SUMF1: variants seen among roughly 807,000 people sequenced by gnomAD.
The protein encoded by SUMF1 is formylglycine-generating enzyme.
SUMF1 carries 48 observed loss-of-function variants against 47.6 expected under a neutral mutation model. The ratio of observed to expected loss-of-function variants is 1.01; its 90% CI spans 0.80 to 1.28. SUMF1 has a LOEUF of 1.28. Among genes scored for constraint, SUMF1 ranks in the 50% most tolerant of loss-of-function variants. The pLI, the probability that SUMF1 is intolerant of heterozygous loss-of-function variation, is 0.00. For missense variants in SUMF1, 571 were observed against 485.4 expected (o/e 1.18, Z -1.66); for synonymous variants, 230 against 192.1 (o/e 1.20, Z -1.63).
intron 8 of SUMF1, among the ~76,000 whole-genome samples, chr3:4,178,134 T>A (rs1695009090): frequency 6.6e-6 from 1 of 152,120 alleles, no homozygotes; most frequent in African/African-American, 2.4e-5. Flanking sequence ...TAGTACCATT[T>A]CTTCTGGAAC....
chr3:4,316,022 G>C (rs946560389), intron 8 of SUMF1, among the ~76,000 whole-genome samples: 10 of 144,232 alleles, frequency 6.9e-5, no homozygotes, highest in African/African-American at 2.4e-4. Context: ...ACTCCAGCTT[G>C]GGTGACAGAG....
At chr3:4,280,630 A>C (rs868613863) in intron 8 of SUMF1, among the ~76,000 whole-genome samples, 1 of 152,190 alleles carries the variant, frequency 6.6e-6, no homozygotes, top group East Asian at 1.9e-4. Flanking sequence ...CAAACTGAGA[A>C]GTTTAAACAA....
downstream of SUMF1, among the ~76,000 whole-genome samples, chr3:4,359,421 G>C (rs551427192): frequency 3.6e-4 from 54 of 152,104 alleles, no homozygotes; most frequent in Non-Finnish European, 6.0e-4. Flanking sequence ...GGGACTACAG[G>C]TACACACTGC....
intron 8 of SUMF1, among the ~76,000 whole-genome samples, chr3:4,159,610 G>A (rs1028812904): frequency 3.3e-5 from 5 of 151,662 alleles, no homozygotes; most frequent in African/African-American, 1.2e-4. Context: ...ACTATTCTGT[G>A]GTTCTGTGTG....
intron 7 of SUMF1, among the ~76,000 whole-genome samples, chr3:4,384,020 C>T (rs557642914): frequency 3.9e-5 from 6 of 152,258 alleles, no homozygotes; most frequent in South Asian, 4.1e-4. Flanking sequence ...TTGCTTTAAA[C>T]AATCTTACGT....
chr3:4,174,741 C>T (rs1210806376), intron 8 of SUMF1, among the ~76,000 whole-genome samples: 1 of 152,136 alleles, frequency 6.6e-6, no homozygotes, highest in East Asian at 1.9e-4. Context: ...CATCACCTCA[C>T]CCAGGAAGCA....
intron 8 of SUMF1, among the ~76,000 whole-genome samples, chr3:4,221,965 C>T (rs1322144002): frequency 6.6e-6 from 1 of 151,302 alleles, no homozygotes; most frequent in East Asian, 1.9e-4. Flanking sequence ...GCAAGCACTA[C>T]ACTTTTATAA....
At chr3:4,176,668 G>T (rs1275032899) in intron 8 of SUMF1, among the ~76,000 whole-genome samples, 2 of 152,140 alleles carry the variant, frequency 1.3e-5, no homozygotes, top group Non-Finnish European at 2.9e-5. Context: ...ATAATGAGAT[G>T]ATCAAATTCA....
intron 8 of SUMF1, among the ~76,000 whole-genome samples, chr3:4,074,113 A>C (rs536021510): frequency 6.6e-6 from 1 of 152,326 alleles, no homozygotes; most frequent in South Asian, 2.1e-4. Flanking sequence ...AGCAAATGTA[A>C]AAGAACAGAA....
chr3:4,039,208 AATTTTTTTTT>A (rs1275920000), intron 9 of SUMF1, among the ~76,000 whole-genome samples: 1 of 46,186 alleles, frequency 2.2e-5, no homozygotes, highest in Admixed American at 3.3e-4. Flanking sequence ...CATCTATGCA[AATTTTTTTTT>A]TTTTTTTTTT....
At chr3:4,418,686 G>C (rs1228740464) in intron 4 of SUMF1, among the ~76,000 whole-genome samples, 1 of 152,202 alleles carries the variant, frequency 6.6e-6, no homozygotes, top group African/African-American at 2.4e-5. Context: ...CTACAGGTGT[G>C]GGGCCCTAAC....
At chr3:4,051,378 C>G (rs1456177697) in intron 9 of SUMF1, among the ~76,000 whole-genome samples, 3 of 152,108 alleles carry the variant, frequency 2.0e-5, no homozygotes, top group Non-Finnish European at 4.4e-5. Flanking sequence ...ACAAAGAGCC[C>G]CAAGAAAGTG....
intron 3 of SUMF1, among the ~76,000 whole-genome samples, chr3:4,429,516 A>G (rs1702170941): frequency 6.6e-6 from 1 of 152,226 alleles, no homozygotes; most frequent in Non-Finnish European, 1.5e-5. Flanking sequence ...TAAGAACAGG[A>G]AATTCTCCCA....
chr3:4,419,806 C>A (rs1369837029), intron 4 of SUMF1, among the ~76,000 whole-genome samples: 1 of 152,176 alleles, frequency 6.6e-6, no homozygotes, highest in Non-Finnish European at 1.5e-5. Flanking sequence ...AGCAGGGAAA[C>A]TGGGAAGAGG....
At chr3:4,285,544 C>A (rs1247732833) in intron 8 of SUMF1, among the ~76,000 whole-genome samples, 1 of 152,152 alleles carries the variant, frequency 6.6e-6, no homozygotes, top group African/African-American at 2.4e-5. Flanking sequence ...AGATTAATCT[C>A]TCTACATGAA....
At chr3:4,396,663 T>C (rs1184800075) in intron 7 of SUMF1, among the ~76,000 whole-genome samples, 1 of 152,172 alleles carries the variant, frequency 6.6e-6, no homozygotes, top group Non-Finnish European at 1.5e-5. Context: ...TTTCACTTCC[T>C]TCAAGGAACT....
At chr3:4,412,426 C>G (rs1192047480) in intron 6 of SUMF1, among the ~76,000 whole-genome samples, 3 of 151,970 alleles carry the variant, frequency 2.0e-5, no homozygotes, top group African/African-American at 7.3e-5. Flanking sequence ...GCTCAGAGTT[C>G]AAAAGAGAAC....
At chr3:4,325,883 G>C (rs1488297643) in intron 8 of SUMF1, among the ~76,000 whole-genome samples, 2 of 152,076 alleles carry the variant, frequency 1.3e-5, no homozygotes, top group Non-Finnish European at 2.9e-5. Flanking sequence ...GTATACTATA[G>C]TGAACTCAGC....
chr3:4,411,162 CT>C (rs1386670557), intron 6 of SUMF1, among the ~76,000 whole-genome samples, 184 bp from the exon 7 acceptor site: 2 of 151,768 alleles, frequency 1.3e-5, no homozygotes, highest in African/African-American at 4.8e-5. Flanking sequence ...TGGCTTTGAG[CT>C]CTTAGAGGAA....
Sources: gnomAD v4.1 joint callset for allele counts (sites outside exome capture counted in the v4.1 genomes callset) on GRCh38, gnomAD v4.1.1 for gene constraint, MANE v1.5 for transcripts, NCBI Gene and HGNC (gene_info 2026-07-23, HGNC 2026-07-21) for gene names.